The following FAM240B variants were observed in gnomAD, a reference collection of about 807,000 sequenced individuals.
The protein encoded by FAM240B is family with sequence similarity 240 member B, also known as protein FAM240B.
At chr9:38,707,216 C>T (rs62570381) in intron 1 of FAM240B, among the ~76,000 whole-genome samples, 21,125 of 152,076 alleles carry the variant, frequency 0.14, 1,627 homozygotes, top group East Asian at 0.22. Context: ...CATTGAAATG[C>T]TCTTCTTTTC....
intron 1 of FAM240B, among the ~76,000 whole-genome samples, chr9:38,717,975 A>G (rs1038656438): frequency 2.0e-5 from 3 of 152,232 alleles, no homozygotes; most frequent in Non-Finnish European, 2.9e-5. Flanking sequence ...TAATGATGTC[A>G]TATTTGTATT....
chr9:38,696,162 T>C (rs958956331), intron 2 of FAM240B, among the ~76,000 whole-genome samples: 2 of 152,076 alleles, frequency 1.3e-5, no homozygotes, highest in East Asian at 1.9e-4. Context: ...TTAGATAATA[T>C]GCACATATTA....
intron 1 of FAM240B, among the ~76,000 whole-genome samples, chr9:38,714,664 C>A (rs1821289835): frequency 6.6e-6 from 1 of 152,232 alleles, no homozygotes; most frequent in South Asian, 2.1e-4. Context: ...CTTCTCCCAA[C>A]ACCAGAATGC....
chr9:38,696,805 C>T (rs1163366800), intron 2 of FAM240B, among the ~76,000 whole-genome samples: 1 of 152,172 alleles, frequency 6.6e-6, no homozygotes, highest in African/African-American at 2.4e-5. Flanking sequence ...CAGACGGAGA[C>T]ACCGTCTCAA....
chr9:38,698,622 G>T (rs898189185), intron 2 of FAM240B, among the ~76,000 whole-genome samples: 5 of 152,028 alleles, frequency 3.3e-5, no homozygotes, highest in African/African-American at 1.2e-4. Context: ...TCATTCACAG[G>T]TGCTTCCTCC....
chr9:38,718,577 C>T (rs1821334441), intron 1 of FAM240B, among the ~76,000 whole-genome samples: 1 of 152,106 alleles, frequency 6.6e-6, no homozygotes, highest in Non-Finnish European at 1.5e-5. Flanking sequence ...AAATACCGTG[C>T]TGAATTAATG....
Position 38,703,863 on chromosome 9 carries a change from A to T in FAM240B, c.137T>A (p.Leu46Gln). 2.5e-6 allele frequency: 1 copy of T among 400,496 alleles called. No homozygotes were observed. Among genetic ancestry groups the T allele is most frequent in the Admixed American group, 4.4e-5 (1 of 22,730 alleles). The allele number at this position is 400,496 out of a possible 1,614,324, so 24.8% of individuals were successfully genotyped here. ...AGAGAAACAATTCACATACTTTTTC[A>T]GGGCGCTTCTTTCTTGACGATCTTC... ...LEEDRQERSA[L>Q]KKLREEWRQR... is the part of the protein sequence containing the mutation. Residue 46 changes from leucine to glutamine, a missense_variant, in exon 2 of 3, where the codon CTG becomes CAG. Transcript: ENST00000637493.
intron 1 of FAM240B, chr9:38,705,376 T>G (rs906213505): frequency 6.6e-6 from 1 of 152,270 alleles, no homozygotes. Context: ...GATCACGAGG[T>G]CAGGAGATCA....
chr9:38,707,622 A>C (rs370719988), intron 1 of FAM240B, among the ~76,000 whole-genome samples: 8,324 of 151,144 alleles, frequency 0.055, 330 homozygotes, highest in Non-Finnish European at 0.086. Flanking sequence ...ACAAAAAAAA[A>C]AAACAAAAAA....
At chr9:38,705,982 G>A (rs1821186884) in intron 1 of FAM240B, among the ~76,000 whole-genome samples, 1 of 152,214 alleles carries the variant, frequency 6.6e-6, no homozygotes, top group Non-Finnish European at 1.5e-5. Flanking sequence ...GAGATGCAGG[G>A]ACAGAAGAGG....
intron 2 of FAM240B, 56 bp from the exon 3 acceptor site, chr9:38,694,925 C>T (rs765557619): frequency 1.5e-5 from 6 of 398,270 alleles, no homozygotes; most frequent in Non-Finnish European, 2.2e-5. Flanking sequence ...CTGTGCTGGT[C>T]GACTGAACCG....
At chr9:38,713,986 T>G (rs1342187080) in intron 1 of FAM240B, among the ~76,000 whole-genome samples, 2 of 152,162 alleles carry the variant, frequency 1.3e-5, no homozygotes, top group Non-Finnish European at 2.9e-5. Flanking sequence ...AGCCCCAATC[T>G]CTGTAAATAA....
At chr9:38,712,020 T>C (rs1821261393) in intron 1 of FAM240B, among the ~76,000 whole-genome samples, 1 of 152,122 alleles carries the variant, frequency 6.6e-6, no homozygotes, top group African/African-American at 2.4e-5. Context: ...TCCTTATAAT[T>C]AACATCCTTC....
chr9:38,698,337 C>A (rs1821089313), intron 2 of FAM240B, among the ~76,000 whole-genome samples: 1 of 152,162 alleles, frequency 6.6e-6, no homozygotes, highest in Non-Finnish European at 1.5e-5. Context: ...ATGATTTTTA[C>A]AAATTATGGT....
At chr9:38,701,354 G>A (rs1821125324) in intron 2 of FAM240B, among the ~76,000 whole-genome samples, 2 of 152,100 alleles carry the variant, frequency 1.3e-5, no homozygotes, top group Admixed American at 1.3e-4. Context: ...TTAAGCAAAG[G>A]GGGGCTCTGA....
intron 1 of FAM240B, among the ~76,000 whole-genome samples, chr9:38,708,134 C>T (rs1821211911): frequency 6.6e-6 from 1 of 152,174 alleles, no homozygotes; most frequent in Non-Finnish European, 1.5e-5. Flanking sequence ...TGGCTGGATG[C>T]AGTCAGAGGG....
chr9:38,709,920 A>G lies in FAM240B; in HGVS notation c.-3-5918T>C, dbSNP rs555087330. ...CACTTGCTACTTTCATCCCATGTGT[A>G]TGCAGATGGAAGAGAAGAGACTTTT... is the stretch of plus-strand genomic sequence containing the variant. On this transcript the variant is annotated intron_variant, in intron 1 of 2. Coordinates refer to ENST00000637493, the MANE Select transcript of FAM240B (RefSeq NM_001394922.1). Among the ~76,000 whole-genome samples the G allele has an allele frequency of 7.7e-4, 117 of 152,304 alleles. 1 individual carries two copies. Among genetic ancestry groups the G allele is most frequent in the Non-Finnish European group, 1.2e-3 (80 of 68,034 alleles).
chr9:38,711,363 A>T (rs139336967), intron 1 of FAM240B, among the ~76,000 whole-genome samples: 113 of 152,252 alleles, frequency 7.4e-4, no homozygotes, highest in African/African-American at 2.6e-3. Flanking sequence ...TTTTCACCCA[A>T]GGTGAAAATA....
chr9:38,719,175 A>G (rs757875555), intron 1 of FAM240B, among the ~76,000 whole-genome samples: 1 of 152,198 alleles, frequency 6.6e-6, no homozygotes, highest in African/African-American at 2.4e-5. Context: ...AAGGGCAAAT[A>G]TCAATAATTA....
Sources: gnomAD v4.1 joint callset for allele counts (sites outside exome capture counted in the v4.1 genomes callset) on GRCh38, gnomAD v4.1.1 for gene constraint, MANE v1.5 for transcripts, NCBI Gene and HGNC (gene_info 2026-07-23, HGNC 2026-07-21) for gene names.